FKBP5: variants seen among roughly 807,000 people sequenced by gnomAD.
FKBP5 encodes peptidyl-prolyl cis-trans isomerase FKBP5.
Under a neutral mutation model 50.5 loss-of-function variants are expected in FKBP5, and 23 were observed. The ratio of observed to expected loss-of-function variants is 0.46; its 90% CI spans 0.33 to 0.65. The LOEUF (loss-of-function observed/expected upper bound fraction) is 0.65. Among genes scored for constraint, FKBP5 ranks in the 30% least tolerant of loss-of-function variants. FKBP5 has a pLI of 0.02. For synonymous variants in FKBP5, 176 were observed against 190.6 expected (o/e 0.92, Z 0.63); for missense variants, 411 against 553.1 (o/e 0.74, Z 2.58).
intron 1 of FKBP5, among the ~76,000 whole-genome samples, chr6:35,677,930 C>T (rs535977622): frequency 2.0e-4 from 31 of 152,112 alleles, no homozygotes; most frequent in Non-Finnish European, 3.2e-4. Context: ...ACTACAGGCA[C>T]GCGCCCCCAC....
rs556530479 is a variant in FKBP5, at chr6:35,575,900, C to A, written c.1309G>T (p.Val437Phe). 145 of 1,614,026 alleles carry A rather than the reference C, an allele frequency of 9.0e-5. 1 individual carries two copies. In the East Asian group the frequency reaches 2.7e-3, roughly 31 times the overall value. The part of the protein sequence containing the change: ...KAMGKKTSEG[V>F]TNEKGTDSQA... The stretch of plus-strand genomic sequence containing the variant: ...CTGTCTGTTCCTTTTTCATTAGTGA[C>A]CCCTTCTGAAGTCTTCTTGCCCATT... The change falls in exon 11 of 11, where the codon GTC (valine) becomes TTC (phenylalanine). Residue 437 changes from valine (V) to phenylalanine (F), a missense_variant. Physicochemically the swap from Val to Phe is conservative, Grantham distance 50. Coordinates refer to ENST00000357266, the MANE Select transcript of FKBP5 (RefSeq NM_004117.4).
intron 1 of FKBP5, chr6:35,651,800 C>T (rs541636345): frequency 2.8e-6 from 1 of 360,922 alleles, no homozygotes. Flanking sequence ...ATTTAATGCA[C>T]AAAATTATTA....
At chr6:35,682,000 T>C (rs1224546417) in intron 1 of FKBP5, among the ~76,000 whole-genome samples, 1 of 152,204 alleles carries the variant, frequency 6.6e-6, no homozygotes, top group Non-Finnish European at 1.5e-5. Flanking sequence ...TCAATTTTTC[T>C]AAGTTTATGT....
At chr6:35,582,939 T>TA (rs1318041773) in intron 8 of FKBP5, 45 of 860,100 alleles carry the variant, frequency 5.2e-5, no homozygotes, top group Non-Finnish European at 6.0e-5. Context: ...AGACTTTTTC[T>TA]AAAGTGGTGT....
At chr6:35,589,129 T>TATATATA (rs879865924) in intron 7 of FKBP5, among the ~76,000 whole-genome samples, 13 of 102,152 alleles carry the variant, frequency 1.3e-4, no homozygotes, top group African/African-American at 5.7e-4. Flanking sequence ...TATATATATA[T>TATATATA]TTTTTTTTTT....
At position 35,591,950 on chromosome 6, in the gene FKBP5, C is replaced by A. The variant is rs117355135; in HGVS notation, c.666-730G>T. On this transcript the variant is annotated intron_variant, in intron 6 of 10. Transcript: ENST00000357266. The stretch of plus-strand genomic sequence containing the variant: ...ACTTACTGAAAAAAATAACTGAGGA[C>A]ATATACATTTGTTTTCTTGGGATCA... 8.5e-5 allele frequency among the ~76,000 whole-genome samples: 13 copies of A among 152,248 alleles called. No homozygotes were observed. The East Asian group carries it at 2.5e-3, about 29-fold the overall frequency.
intron 1 of FKBP5, among the ~76,000 whole-genome samples, chr6:35,677,836 T>C (rs1031764846): frequency 6.6e-6 from 1 of 151,646 alleles, no homozygotes; most frequent in Non-Finnish European, 1.5e-5. Context: ...CAGACTGGAG[T>C]GCAGTGGCAT....
chr6:35,709,683 T>C (rs1325702923), intron 2 of FKBP5, among the ~76,000 whole-genome samples: 1 of 152,218 alleles, frequency 6.6e-6, no homozygotes, highest in East Asian at 1.9e-4. Flanking sequence ...GATTTTAAGA[T>C]ATTTACATGC....
At chr6:35,708,635 C>T (rs1766363639) in intron 2 of FKBP5, among the ~76,000 whole-genome samples, 1 of 151,920 alleles carries the variant, frequency 6.6e-6, no homozygotes, top group Non-Finnish European at 1.5e-5. Flanking sequence ...TTAGTTGTGC[C>T]CCAGTATCCA....
At chr6:35,616,516 G>A (rs1242725906) in intron 5 of FKBP5, among the ~76,000 whole-genome samples, 1 of 151,964 alleles carries the variant, frequency 6.6e-6, no homozygotes, top group Admixed American at 6.6e-5. Flanking sequence ...AGAGGAAGCT[G>A]TGTAAAGCAT....
intron 1 of FKBP5, among the ~76,000 whole-genome samples, chr6:35,666,394 TAA>T (rs550878351): frequency 0.088 from 2,901 of 33,080 alleles, 149 homozygotes; most frequent in African/African-American, 0.19. Flanking sequence ...CTATTATAGT[TAA>T]AAAAAAAAAA....
At chr6:35,672,263 G>A (rs1765407932) in intron 1 of FKBP5, among the ~76,000 whole-genome samples, 2 of 151,676 alleles carry the variant, frequency 1.3e-5, no homozygotes, top group South Asian at 4.2e-4. Context: ...GAAAAGGGGG[G>A]AAAAAATCCC....
chr6:35,619,661 A>T (rs1048096094), intron 4 of FKBP5, among the ~76,000 whole-genome samples: 24 of 152,242 alleles, frequency 1.6e-4, no homozygotes, highest in African/African-American at 5.5e-4. Flanking sequence ...GTTCTTAAAA[A>T]TCAAGTTTTG....
intron 5 of FKBP5, among the ~76,000 whole-genome samples, chr6:35,616,538 C>T (rs750464947): frequency 7.2e-5 from 11 of 151,830 alleles, no homozygotes; most frequent in African/African-American, 1.7e-4. Context: ...TAAGGGAACG[C>T]GCTATACTAG....
intron 7 of FKBP5, among the ~76,000 whole-genome samples, chr6:35,589,126 ATAT>A (rs1410546504): frequency 9.6e-5 from 12 of 125,526 alleles, no homozygotes; most frequent in African/African-American, 2.2e-4. Context: ...ATATATATAT[ATAT>A]TTTTTTTTTT....
chr6:35,677,565 G>A (rs539849785), intron 1 of FKBP5, among the ~76,000 whole-genome samples: 6 of 152,230 alleles, frequency 3.9e-5, no homozygotes, highest in African/African-American at 1.2e-4. Context: ...CAGGTATTCC[G>A]GGCTGGGGAG....
At chr6:35,690,648 C>T (rs766448546), upstream of FKBP5, among the ~76,000 whole-genome samples, 21 of 152,272 alleles carry the variant, frequency 1.4e-4, no homozygotes, top group South Asian at 1.0e-3. Context: ...CGCAGAAAAA[C>T]AAAGTTGATC....
At chr6:35,614,935 C>T (rs1364861115) in intron 5 of FKBP5, among the ~76,000 whole-genome samples, 3 of 151,832 alleles carry the variant, frequency 2.0e-5, no homozygotes, top group Non-Finnish European at 2.9e-5. Flanking sequence ...CCAGCCTGGC[C>T]AACATGGTGA....
chr6:35,608,368 AG>A (rs377745299), intron 5 of FKBP5, among the ~76,000 whole-genome samples: 52 of 150,816 alleles, frequency 3.4e-4, no homozygotes, highest in African/African-American at 1.2e-3. Flanking sequence ...TTAAAATAAA[AG>A]AATTAATCAG....
Sources: gnomAD v4.1 joint callset for allele counts (sites outside exome capture counted in the v4.1 genomes callset) on GRCh38, gnomAD v4.1.1 for gene constraint, MANE v1.5 for transcripts, NCBI Gene and HGNC (gene_info 2026-07-23, HGNC 2026-07-21) for gene names.